UNKL: variants seen among roughly 807,000 people sequenced by gnomAD.
UNKL encodes the protein putative E3 ubiquitin-protein ligase UNKL.
UNKL carries 60 observed loss-of-function variants against 78.0 expected under a neutral mutation model. The observed-to-expected ratio is 0.77, with a 90% CI of 0.63 to 0.95. UNKL has a LOEUF of 0.95. Among genes scored for constraint, UNKL ranks in the 40% least tolerant of loss-of-function variants. UNKL has a pLI of 0.00. For missense variants in UNKL, 1,159 were observed against 1,045.7 expected, an observed-to-expected ratio of 1.11 and a Z score of -1.49; for synonymous variants, 608 against 474.8, an observed-to-expected ratio of 1.28 and a Z score of -3.65.
rs140667902 is a variant in UNKL, at chr16:1,409,241, A to G, written c.287+4605T>C. Among the ~76,000 whole-genome samples the G allele has an allele frequency of 3.3e-3, 505 of 152,326 alleles. 4 individuals are homozygous for G. Among genetic ancestry groups the G allele is most frequent in the African/African-American group, 0.012 (491 of 41,578 alleles). ...TAGAAATTTTAAAAACCAATGAACT[A>G]AAGAAAAGGAAGGCCCTGTCCTTAT... On this transcript the variant is annotated intron_variant, in intron 2 of 14. Transcript: ENST00000389221.
intron 12 of UNKL, among the ~76,000 whole-genome samples, chr16:1,369,116 T>C (rs966696195): frequency 7.0e-6 from 1 of 143,050 alleles, no homozygotes; most frequent in South Asian, 2.3e-4. Context: ...CCAGGCTGGA[T>C]TGGAGTGCAG....
rs747707221 is a variant in UNKL at position 1,366,298 on chromosome 16, G to A, written c.2144C>T (p.Pro715Leu). Residue 715 changes from proline (P) to leucine (L), a missense_variant, in exon 15 of 15, where the codon CCG (proline) becomes CTG (leucine). Coordinates refer to ENST00000389221, the MANE Select transcript of UNKL (RefSeq NM_001372107.1). ...GCACTCAGGTGCGGTGGCCGCACAC[G>A]GCTCACAGAGGATGTGGTGCTGACA... Reference protein sequence around the residue: ...RPCQHHILCEPCAATAPECPY... With the variant: ...RPCQHHILCELCAATAPECPY... 2.8e-5 allele frequency: 45 copies of A among 1,599,120 alleles called. No individual in the cohort carries two copies. Among genetic ancestry groups the A allele is most frequent in the African/African-American group, 6.7e-5 (5 of 74,706 alleles).
At chr16:1,398,616 C>T in intron 5 of UNKL, 7 of 1,427,980 alleles carry the variant, frequency 4.9e-6, no homozygotes, top group Non-Finnish European at 6.4e-6. Flanking sequence ...AAGAGCTGGA[C>T]ACAGACAGGG....
At position 1,364,909 on chromosome 16, in the gene UNKL, T is replaced by C. The variant is rs74823949; in HGVS notation, c.*1331A>G. ...GCAACCACTCTCCCAGTTCACTGCC[T>C]GACCCCTGCCAGGACGCCCAGCGAC... On this transcript the variant is annotated 3_prime_UTR_variant, in exon 15 of 15. Transcript: ENST00000389221. 15,661 of 152,208 alleles carry C rather than the reference T, an allele frequency of 0.1. 1,987 individuals are homozygous for C. The highest frequency in any genetic ancestry group is 0.3 in the African/African-American group (12,483 of 41,426). The allele number at this position is 152,208 out of a possible 1,614,324, so 9.4% of individuals were successfully genotyped here.
At chr16:1,411,669 AC>A (rs1304203259) in intron 2 of UNKL, among the ~76,000 whole-genome samples, 3 of 152,166 alleles carry the variant, frequency 2.0e-5, no homozygotes, top group African/African-American at 7.2e-5. Context: ...TACTAAAAAT[AC>A]AAAAATTAGC....
At chr16:1,388,165 C>T (rs886324632) in intron 9 of UNKL, among the ~76,000 whole-genome samples, 4 of 152,284 alleles carry the variant, frequency 2.6e-5, no homozygotes, top group African/African-American at 9.6e-5. Flanking sequence ...CAGGCCTGCC[C>T]CGCCCTGGGT....
chr16:1,414,182 G>A (rs1443363730), intron 1 of UNKL, 127 bp from the exon 2 acceptor site: 17 of 952,826 alleles, frequency 1.8e-5, no homozygotes, highest in Admixed American at 1.8e-4. Flanking sequence ...CATTCCCGGC[G>A]GGCCCCAGGC....
intron 14 of UNKL, 43 bp downstream of exon 14, chr16:1,367,049 T>TGCAG (rs1310012908): frequency 1.4e-6 from 2 of 1,478,902 alleles, no homozygotes; most frequent in Non-Finnish European, 1.8e-6. Flanking sequence ...ACAGCAGCCC[T>TGCAG]GCAGGCAGGC....
chr16:1,372,092 CAA>C (rs11342892), intron 10 of UNKL, among the ~76,000 whole-genome samples: 223 of 145,198 alleles, frequency 1.5e-3, no homozygotes, highest in Non-Finnish European at 1.4e-3. Flanking sequence ...CCGTCTCAAC[CAA>C]AAAAAAAAAA....
intron 10 of UNKL, among the ~76,000 whole-genome samples, chr16:1,375,768 G>A (rs1368882665): frequency 6.6e-6 from 1 of 152,220 alleles, no homozygotes; most frequent in Non-Finnish European, 1.5e-5. Context: ...GCCAAAGGCA[G>A]GCCTTGGGCC....
At chr16:1,378,198 C>T (rs1458550116) in intron 10 of UNKL, among the ~76,000 whole-genome samples, 2 of 152,200 alleles carry the variant, frequency 1.3e-5, no homozygotes, top group African/African-American at 2.4e-5. Flanking sequence ...CATGTCAGGG[C>T]CCTGGACAGA....
At chr16:1,377,399 G>A (rs574902341) in intron 10 of UNKL, among the ~76,000 whole-genome samples, 27 of 152,084 alleles carry the variant, frequency 1.8e-4, no homozygotes, top group African/African-American at 5.5e-4. Context: ...GGTCCTGCCC[G>A]TCCTCCCCAG....
intron 10 of UNKL, chr16:1,379,485 G>A: frequency 1.0e-6 from 1 of 985,294 alleles, no homozygotes; most frequent in Non-Finnish European, 1.2e-6. Context: ...AGAAGCCCGG[G>A]CCCACCCCGC....
chr16:1,369,100 C>A (rs1289019368), intron 12 of UNKL, among the ~76,000 whole-genome samples: 1 of 110,120 alleles, frequency 9.1e-6, no homozygotes, highest in Non-Finnish European at 1.7e-5. Context: ...GAGTCTAGCT[C>A]TATCGCCAGG....
chr16:1,386,762 C>T (rs2036831909), intron 9 of UNKL, among the ~76,000 whole-genome samples: 1 of 152,174 alleles, frequency 6.6e-6, no homozygotes, highest in African/African-American at 2.4e-5. Context: ...CTCCTGGCTT[C>T]TGTGACCTAA....
intron 2 of UNKL, among the ~76,000 whole-genome samples, chr16:1,405,380 G>A (rs2037708046): frequency 6.6e-6 from 1 of 151,974 alleles, no homozygotes. Context: ...TGGATCACGA[G>A]CTCAAGAGTT....
At chr16:1,395,751 G>A (rs1323966462) in intron 6 of UNKL, 3 of 456,684 alleles carry the variant, frequency 6.6e-6, no homozygotes, top group East Asian at 6.9e-5. Flanking sequence ...ACTGGGGTCT[G>A]CAACCAGGCC....
At chr16:1,389,631 C>A (rs2036960677) in intron 9 of UNKL, among the ~76,000 whole-genome samples, 1 of 152,110 alleles carries the variant, frequency 6.6e-6, no homozygotes, top group South Asian at 2.1e-4. Context: ...GGTGTGGGGG[C>A]AGGGCCCTAC....
At chr16:1,402,973 C>A (rs2142217522) in intron 3 of UNKL, among the ~76,000 whole-genome samples, 195 bp downstream of exon 3, 2 of 152,234 alleles carry the variant, frequency 1.3e-5, no homozygotes, top group South Asian at 4.1e-4. Flanking sequence ...GCCTGGGTGA[C>A]AGAACGAGAA....
Sources: allele counts gnomAD v4.1 joint callset (sites outside exome capture counted in the v4.1 genomes callset), GRCh38; gene constraint gnomAD v4.1.1; transcripts MANE v1.5; gene names NCBI Gene and HGNC (gene_info 2026-07-23, HGNC 2026-07-21).